The following ANKRD55 variants were observed in gnomAD, a reference collection of about 807,000 sequenced individuals.
ANKRD55 encodes the protein ankyrin repeat domain 55.
Under a neutral mutation model 60.6 loss-of-function variants are expected in ANKRD55, and 41 were observed. The ratio of observed to expected loss-of-function variants is 0.68; its 90% confidence interval spans 0.53 to 0.88. ANKRD55 has a LOEUF of 0.88. ANKRD55 is among the 40% of genes least tolerant of loss of function. The probability of loss-of-function intolerance (pLI) is 0.00; values close to 1 mark genes in which losing one functional copy is unlikely to be tolerated. For missense variants in ANKRD55, 732 were observed against 767.6 expected (o/e 0.95, Z 0.55); for synonymous variants, 264 against 290.3 (o/e 0.91, Z 0.92).
intron 5 of ANKRD55, among the ~76,000 whole-genome samples, chr5:56,168,826 A>AC (rs1758543861): frequency 1.3e-5 from 2 of 151,746 alleles, no homozygotes; most frequent in African/African-American, 2.4e-5. Context: ...GCCACCTACC[A>AC]CCCCCCTACA....
chr5:56,109,048 C>CACACAT (rs745445774), intron 10 of ANKRD55, among the ~76,000 whole-genome samples: 19 of 101,378 alleles, frequency 1.9e-4, no homozygotes, highest in African/African-American at 4.9e-4. Context: ...AACACACACA[C>CACACAT]ACACACACAC....
intron 5 of ANKRD55, 70 bp downstream of exon 5, chr5:56,170,624 G>A: frequency 1.6e-6 from 2 of 1,257,570 alleles, no homozygotes; most frequent in Non-Finnish European, 2.3e-6. Context: ...ACAGAGGGAT[G>A]GATTAGATGA....
intron 10 of ANKRD55, among the ~76,000 whole-genome samples, chr5:56,104,351 C>T (rs550990492): frequency 6.6e-6 from 1 of 152,320 alleles, no homozygotes; most frequent in Middle Eastern, 3.4e-3. Context: ...GCCTAGACTT[C>T]AACCCTATAG....
At position 56,183,551 on chromosome 5, in the gene ANKRD55, G is replaced by T. The variant is rs755280412; in HGVS notation, c.142C>A (p.Arg48=). 62 of 1,613,994 alleles carry T rather than the reference G, an allele frequency of 3.8e-5. No homozygotes were observed. Among genetic ancestry groups the T allele is most frequent in the Non-Finnish European group, 5.1e-5 (60 of 1,180,016 alleles). ...GDVNALTAVI[R]EDPSILECCD... ...CATTCTAGGATAGAAGGGTCTTCCC[G>T]AATCACTGCAGTCAGAGCATTGACA... Residue 48 remains arginine, a synonymous_variant, in exon 3 of 12, where the codon CGG becomes AGG. Coordinates refer to ENST00000341048, the MANE Select transcript of ANKRD55 (RefSeq NM_024669.3).
In ANKRD55 at chr5:56,227,684, G is replaced by A. The variant is rs376454035; in HGVS notation, c.58+5172C>T. Among the ~76,000 whole-genome samples the A allele has an allele frequency of 1.1e-3, 171 of 151,704 alleles. No homozygotes were observed. The East Asian group carries it at 0.014, about 12-fold the overall frequency. Reference sequence around the variant, plus strand: ...GACATTCTGCAGTAGAAAGAACACCGGTTTTGAAGTGAAACAGATTTAGCT... The same window carrying A: ...GACATTCTGCAGTAGAAAGAACACCAGTTTTGAAGTGAAACAGATTTAGCT... On this transcript the variant is annotated intron_variant, in intron 2 of 11. Coordinates refer to ENST00000341048, the MANE Select transcript of ANKRD55 (RefSeq NM_024669.3).
At chr5:56,187,262 A>C (rs999835818) in intron 2 of ANKRD55, among the ~76,000 whole-genome samples, 5 of 152,194 alleles carry the variant, frequency 3.3e-5, no homozygotes, top group Admixed American at 2.0e-4. Context: ...AGGGCTTGCA[A>C]CTTAGCTCAC....
At chr5:56,182,403 TG>T (rs1758869374) in intron 3 of ANKRD55, among the ~76,000 whole-genome samples, 1 of 152,248 alleles carries the variant, frequency 6.6e-6, no homozygotes, top group East Asian at 1.9e-4. Flanking sequence ...TTGTGATGAT[TG>T]TATTTTTGAT....
In ANKRD55 at chr5:56,116,783, C is replaced by T; in HGVS notation, c.798-1G>A. The stretch of plus-strand genomic sequence containing the variant: ...AGCTGCAGCCCAGTGCAGAGGTGTC[C>T]TGGAGGGGCCATGTGAAAAAAGCAC... On this transcript the variant is annotated splice_acceptor_variant, in intron 8 of 11. Coordinates refer to ENST00000341048, the MANE Select transcript of ANKRD55 (RefSeq NM_024669.3). LOFTEE classifies it high-confidence loss of function. 1.3e-6 allele frequency: 2 copies of T among 1,599,994 alleles called. No individual in the cohort carries two copies. The highest frequency in any genetic ancestry group is 1.7e-6 in the Non-Finnish European group (2 of 1,174,302).
At chr5:56,118,394 G>A (rs1756939975) in intron 8 of ANKRD55, among the ~76,000 whole-genome samples, 1 of 152,168 alleles carries the variant, frequency 6.6e-6, no homozygotes, top group African/African-American at 2.4e-5. Context: ...GGGAGGCCAA[G>A]GCAGGTGGAT....
intron 9 of ANKRD55, among the ~76,000 whole-genome samples, chr5:56,112,511 A>AAAAAAAAAAAAAAAACAAAAAC: frequency 1.2e-5 from 1 of 81,526 alleles, no homozygotes; most frequent in African/African-American, 5.4e-5. Context: ...TAGCAAAAAA[A>AAAAAAAAAAAAAAAACAAAAAC]AAAAAAAAAA....
At chr5:56,103,658 A>G (rs910963629) in intron 10 of ANKRD55, among the ~76,000 whole-genome samples, 2 of 152,164 alleles carry the variant, frequency 1.3e-5, no homozygotes, top group African/African-American at 2.4e-5. Context: ...ACTTGTCATG[A>G]GGATTAAACT....
At chr5:56,217,265 A>T (rs989011266) in intron 2 of ANKRD55, among the ~76,000 whole-genome samples, 1 of 152,276 alleles carries the variant, frequency 6.6e-6, no homozygotes, top group Non-Finnish European at 1.5e-5. Context: ...AGTTCCTTTC[A>T]AAACAATACT....
chr5:56,103,127 A>T (rs528704229), intron 10 of ANKRD55, among the ~76,000 whole-genome samples: 1 of 152,242 alleles, frequency 6.6e-6, no homozygotes, highest in African/African-American at 2.4e-5. Flanking sequence ...TGCAGCCAGG[A>T]TGGAGAATCA....
intron 2 of ANKRD55, among the ~76,000 whole-genome samples, chr5:56,218,505 A>G (rs1184551163): frequency 6.6e-6 from 1 of 152,230 alleles, no homozygotes; most frequent in Non-Finnish European, 1.5e-5. Flanking sequence ...GAAGGCTCAG[A>G]TGATCGTTAG....
intron 10 of ANKRD55, 154 bp downstream of exon 10, chr5:56,110,964 C>G (rs1346632246): frequency 2.4e-6 from 2 of 825,782 alleles, no homozygotes; most frequent in Non-Finnish European, 3.7e-6. Flanking sequence ...AATCTCAAAT[C>G]CAGTGCACTT....
chr5:56,229,093 GTT>G (rs77788173), intron 2 of ANKRD55, among the ~76,000 whole-genome samples: 1 of 126,768 alleles, frequency 7.9e-6, no homozygotes, highest in African/African-American at 3.0e-5. Context: ...CCCCTCGCCT[GTT>G]TTTTTTTTTT....
At chr5:56,176,363 A>G (rs1581003048) in intron 3 of ANKRD55, 81 bp from the exon 4 acceptor site, 1 of 1,549,476 alleles carries the variant, frequency 6.5e-7, no homozygotes, top group East Asian at 2.3e-5. Flanking sequence ...CTGTTCATTT[A>G]TTTTGCTATT....
intron 7 of ANKRD55, chr5:56,137,161 G>A (rs192360009): frequency 1.7e-5 from 26 of 1,509,630 alleles, no homozygotes; most frequent in East Asian, 1.4e-4. Flanking sequence ...CCATTGTGAC[G>A]TTACAGTGGT....
intron 10 of ANKRD55, among the ~76,000 whole-genome samples, chr5:56,108,865 C>T (rs1442311898): frequency 1.3e-5 from 2 of 152,144 alleles, no homozygotes; most frequent in Non-Finnish European, 2.9e-5. Context: ...AGTGAAACCC[C>T]GTCTCCACTA....
Sources: gnomAD v4.1 joint callset for allele counts (sites outside exome capture counted in the v4.1 genomes callset) on GRCh38, gnomAD v4.1.1 for gene constraint, MANE v1.5 for transcripts, NCBI Gene and HGNC (gene_info 2026-07-23, HGNC 2026-07-21) for gene names.